Variants in NELL1 observed in about 807,000 individuals in gnomAD.
The protein encoded by NELL1 is neural EGFL like 1, also known as protein kinase C-binding protein NELL1.
Under a neutral mutation model 107.4 loss-of-function variants are expected in NELL1, and 76 were observed. The ratio of observed to expected loss-of-function variants is 0.71; its 90% CI spans 0.59 to 0.86. The LOEUF is 0.86. Among genes scored for constraint, NELL1 ranks in the 40% least tolerant of loss-of-function variants. NELL1 has a pLI of 0.00. For missense variants in NELL1, 1,024 were observed against 1,005.5 expected (o/e 1.02, Z -0.25); for synonymous variants, 353 against 341.2 (o/e 1.03, Z -0.38).
intron 16 of NELL1, among the ~76,000 whole-genome samples, chr11:21,538,330 A>AT (rs1202462107): frequency 2.0e-5 from 3 of 152,172 alleles, no homozygotes; most frequent in Admixed American, 6.5e-5. Context: ...TATCATAAAG[A>AT]ACAGCATGCT....
Position 21,234,151 on chromosome 11 carries a change from A to C in NELL1, c.1549+4697A>C, listed in dbSNP as rs757771149. Among the ~76,000 whole-genome samples, 141 of 152,226 alleles carry C rather than the reference A, an allele frequency of 9.3e-4. 3 individuals carry two copies. Among genetic ancestry groups the C allele is most frequent in the Non-Finnish European group, 6.8e-4 (46 of 68,032 alleles). ...ATTCCTTTGGTTGCAAGTAATAGAA[A>C]TCCACTGGCAAACTGGCTATGTAAC... On this transcript the variant is annotated intron_variant, in intron 14 of 19. Coordinates refer to ENST00000357134, the MANE Select transcript of NELL1 (RefSeq NM_006157.5).
chr11:21,152,601 T>C (rs1366312265), intron 13 of NELL1, among the ~76,000 whole-genome samples: 1 of 152,198 alleles, frequency 6.6e-6, no homozygotes, highest in African/African-American at 2.4e-5. Flanking sequence ...CAGCAGACTG[T>C]TAGATGTCAA....
intron 15 of NELL1, among the ~76,000 whole-genome samples, chr11:21,392,874 CA>C (rs1418830589): frequency 6.6e-6 from 1 of 151,662 alleles, no homozygotes; most frequent in African/African-American, 2.4e-5. Flanking sequence ...TATCTAATTT[CA>C]AAGACCAATA....
chr11:20,787,643 G>C (rs1856994832), intron 3 of NELL1, among the ~76,000 whole-genome samples: 1 of 152,158 alleles, frequency 6.6e-6, no homozygotes. Flanking sequence ...TCCCTTATGT[G>C]ATTCTGATTG....
chr11:21,416,418 G>T (rs890754867), intron 15 of NELL1, among the ~76,000 whole-genome samples: 1 of 152,046 alleles, frequency 6.6e-6, no homozygotes, highest in Non-Finnish European at 1.5e-5. Flanking sequence ...AAGACATTTA[G>T]CTCCTGAACC....
At chr11:21,159,944 G>T (rs766167095) in intron 13 of NELL1, among the ~76,000 whole-genome samples, 2 of 152,122 alleles carry the variant, frequency 1.3e-5, no homozygotes, top group Non-Finnish European at 2.9e-5. Context: ...GACCAGATGT[G>T]TCCCAAGACC....
chr11:21,050,446 A>G (rs995620498), intron 12 of NELL1, among the ~76,000 whole-genome samples: 1 of 152,174 alleles, frequency 6.6e-6, no homozygotes, highest in Non-Finnish European at 1.5e-5. Context: ...AGTTGATTTA[A>G]TAAGGTGTCA....
At chr11:21,349,574 A>T (rs1850756899) in intron 14 of NELL1, among the ~76,000 whole-genome samples, 1 of 152,108 alleles carries the variant, frequency 6.6e-6, no homozygotes, top group Admixed American at 6.6e-5. Flanking sequence ...TACAGAACTC[A>T]GTCTATTGTG....
intron 5 of NELL1, among the ~76,000 whole-genome samples, chr11:20,915,700 G>GAT (rs369114547): frequency 1.7e-4 from 5 of 29,454 alleles, no homozygotes; most frequent in East Asian, 1.8e-3. Context: ...CCTCATAGAT[G>GAT]ATATATATAT....
intron 3 of NELL1, among the ~76,000 whole-genome samples, chr11:20,838,443 A>T (rs1848569822): frequency 6.6e-6 from 1 of 151,596 alleles, no homozygotes; most frequent in African/African-American, 2.4e-5. Flanking sequence ...TTGGTTCTTA[A>T]TAGGGCAGAC....
chr11:21,077,638 G>A (rs939772724), intron 12 of NELL1, among the ~76,000 whole-genome samples: 5 of 151,906 alleles, frequency 3.3e-5, no homozygotes, highest in African/African-American at 1.2e-4. Flanking sequence ...AGCTACTCGG[G>A]AGGCTGAAGC....
chr11:21,025,199 A>G (rs1169840405), intron 12 of NELL1, among the ~76,000 whole-genome samples: 1 of 152,102 alleles, frequency 6.6e-6, no homozygotes, highest in Non-Finnish European at 1.5e-5. Context: ...GGTGCTCAAA[A>G]AGTACTTGAA....
At chr11:21,342,750 G>A (rs1393784367) in intron 14 of NELL1, among the ~76,000 whole-genome samples, 7 of 151,756 alleles carry the variant, frequency 4.6e-5, no homozygotes, top group South Asian at 2.1e-4. Context: ...AGAATAGTAT[G>A]CATGTGAGGA....
At chr11:21,021,503 G>A (rs931332831) in intron 12 of NELL1, among the ~76,000 whole-genome samples, 3 of 152,042 alleles carry the variant, frequency 2.0e-5, no homozygotes, top group Non-Finnish European at 4.4e-5. Flanking sequence ...ATCAGAGCAC[G>A]TCTTAGGGAA....
intron 15 of NELL1, among the ~76,000 whole-genome samples, chr11:21,522,979 G>A (rs992954879): frequency 5.3e-5 from 8 of 150,560 alleles, no homozygotes; most frequent in Non-Finnish European, 1.0e-4. Flanking sequence ...CGAGTAGCTG[G>A]GACTACAGGC....
At chr11:21,036,560 T>C (rs1191923611) in intron 12 of NELL1, among the ~76,000 whole-genome samples, 2 of 152,144 alleles carry the variant, frequency 1.3e-5, no homozygotes, top group East Asian at 3.8e-4. Context: ...TTCTCTTCCT[T>C]GGAACTCCAA....
At chr11:20,715,170 A>G (rs1351938232) in intron 2 of NELL1, among the ~76,000 whole-genome samples, 3 of 152,032 alleles carry the variant, frequency 2.0e-5, no homozygotes, top group Non-Finnish European at 4.4e-5. Flanking sequence ...GCGTGAACCC[A>G]GGAGGTGGAG....
intron 12 of NELL1, among the ~76,000 whole-genome samples, chr11:21,026,946 C>T (rs1852828121): frequency 6.6e-6 from 1 of 152,084 alleles, no homozygotes; most frequent in Non-Finnish European, 1.5e-5. Context: ...CTTAGAAATA[C>T]AGGCAATTTT....
At chr11:21,554,471 C>T (rs1047973970) in intron 16 of NELL1, among the ~76,000 whole-genome samples, 2 of 151,684 alleles carry the variant, frequency 1.3e-5, no homozygotes, top group African/African-American at 2.4e-5. Flanking sequence ...CTTGGCAAAT[C>T]GATGAATGTG....
Sources: gnomAD v4.1 joint callset for allele counts (sites outside exome capture counted in the v4.1 genomes callset) on GRCh38, gnomAD v4.1.1 for gene constraint, MANE v1.5 for transcripts, NCBI Gene and HGNC (gene_info 2026-07-23, HGNC 2026-07-21) for gene names.